Variants in NFIA observed in about 807,000 individuals in gnomAD.
The protein encoded by NFIA is nuclear factor I A.
Under a neutral mutation model 62.8 loss-of-function variants are expected in NFIA, and 8 were observed. That is an observed-to-expected ratio of 0.13 (90% confidence interval 0.07 to 0.23). The LOEUF (loss-of-function observed/expected upper bound fraction) is 0.23. NFIA is among the 10% of genes least tolerant of loss of function. NFIA has a pLI of 1.00. For synonymous variants in NFIA, 235 were observed against 238.1 expected (o/e 0.99, Z 0.12); for missense variants, 410 against 642.1 (o/e 0.64, Z 3.91).
At position 61,456,644 on chromosome 1, in the gene NFIA, G is replaced by A. The variant is rs1236935308; in HGVS notation, c.*1324G>A. On this transcript the variant is annotated 3_prime_UTR_variant, in exon 11 of 11. Coordinates refer to ENST00000403491, the MANE Select transcript of NFIA (RefSeq NM_001134673.4). ...AAGTTTTAAAGACCTTTGCATCCCT[G>A]AACTGGGCTATGGGAAATAATAATA... is the stretch of plus-strand genomic sequence containing the variant. The A allele has an allele frequency of 6.7e-6, 1 of 149,774 alleles. No homozygotes were observed. Among genetic ancestry groups the A allele is most frequent in the African/African-American group, 2.5e-5 (1 of 40,792 alleles). The allele number at this position is 149,774 out of a possible 1,614,324, so 9.3% of individuals were successfully genotyped here. A position where few individuals can be genotyped will look rare whatever the true frequency, so the allele number is the denominator to read the frequency against.
At chr1:61,335,267 CT>C (rs1661539676) in intron 4 of NFIA, among the ~76,000 whole-genome samples, 2 of 152,194 alleles carry the variant, frequency 1.3e-5, no homozygotes, top group African/African-American at 4.8e-5. Flanking sequence ...CAGGAGACCC[CT>C]TTTTCTTAGA....
intron 3 of NFIA, among the ~76,000 whole-genome samples, chr1:61,284,844 AAG>A (rs151213510): frequency 1.3e-5 from 2 of 152,286 alleles, no homozygotes; most frequent in East Asian, 3.9e-4. Flanking sequence ...AGAAGAAAAA[AAG>A]GGATTTCTTG....
intron 5 of NFIA, among the ~76,000 whole-genome samples, chr1:61,356,921 C>G (rs1202125786): frequency 6.6e-6 from 1 of 152,194 alleles, no homozygotes; most frequent in Non-Finnish European, 1.5e-5. Flanking sequence ...TGTCTCCCTG[C>G]CCTAGGCTCC....
chr1:61,336,174 G>A (rs1424046958), intron 4 of NFIA, among the ~76,000 whole-genome samples: 2 of 151,934 alleles, frequency 1.3e-5, no homozygotes, highest in African/African-American at 4.8e-5. Flanking sequence ...GAACTAAATA[G>A]AATCCAAGGA....
At chr1:61,122,442 T>G (rs1304864824) in intron 2 of NFIA, among the ~76,000 whole-genome samples, 2 of 152,166 alleles carry the variant, frequency 1.3e-5, no homozygotes, top group African/African-American at 4.8e-5. Context: ...GAGTGTCTCG[T>G]TAGACATACA....
intron 2 of NFIA, among the ~76,000 whole-genome samples, chr1:61,139,298 C>T (rs890840202): frequency 2.6e-5 from 4 of 152,178 alleles, no homozygotes; most frequent in Non-Finnish European, 4.4e-5. Flanking sequence ...AGAGGATAGT[C>T]CGGAACTCCC....
At chr1:61,430,180 C>T (rs1481015380) in intron 10 of NFIA, among the ~76,000 whole-genome samples, 1 of 152,094 alleles carries the variant, frequency 6.6e-6, no homozygotes. Context: ...ACAGTCAGAG[C>T]AAGTGGACTG....
At chr1:61,202,445 A>T (rs951177081) in intron 2 of NFIA, among the ~76,000 whole-genome samples, 3 of 152,208 alleles carry the variant, frequency 2.0e-5, no homozygotes, top group African/African-American at 7.2e-5. Flanking sequence ...GATCCTCACA[A>T]GGTACATTTT....
At chr1:61,201,275 C>A (rs557749866) in intron 2 of NFIA, among the ~76,000 whole-genome samples, 16 of 152,234 alleles carry the variant, frequency 1.1e-4, no homozygotes, top group African/African-American at 2.9e-4. Flanking sequence ...CACATCCGCT[C>A]CTCTATAGCA....
chr1:61,285,498 A>G (rs144595043), intron 3 of NFIA, among the ~76,000 whole-genome samples: 1 of 152,200 alleles, frequency 6.6e-6, no homozygotes, highest in East Asian at 1.9e-4. Context: ...CAGATTGATT[A>G]GTTGCCTGCT....
chr1:61,173,483 G>A (rs1259191676), intron 2 of NFIA, among the ~76,000 whole-genome samples: 1 of 152,058 alleles, frequency 6.6e-6, no homozygotes, highest in African/African-American at 2.4e-5. Flanking sequence ...CACCTCCTGG[G>A]TTCAAGTGAT....
chr1:61,117,304 G>C (rs1345732463), intron 2 of NFIA, among the ~76,000 whole-genome samples: 1 of 152,096 alleles, frequency 6.6e-6, no homozygotes, highest in Non-Finnish European at 1.5e-5. Flanking sequence ...GGAGGTTATG[G>C]ATATAAATCC....
chr1:61,363,002 CAAA>C (rs1482921973), intron 6 of NFIA, among the ~76,000 whole-genome samples: 1 of 152,154 alleles, frequency 6.6e-6, no homozygotes, highest in Non-Finnish European at 1.5e-5. Flanking sequence ...ATGTTGCTTT[CAAA>C]TATATGGAAA....
chr1:61,317,550 T>C (rs1228424539), intron 3 of NFIA, among the ~76,000 whole-genome samples: 1 of 152,048 alleles, frequency 6.6e-6, no homozygotes, highest in Non-Finnish European at 1.5e-5. Context: ...TATTTCTCAC[T>C]TTTTGTAGAA....
At chr1:61,166,148 C>T (rs909105056) in intron 2 of NFIA, among the ~76,000 whole-genome samples, 1 of 152,030 alleles carries the variant, frequency 6.6e-6, no homozygotes, top group Non-Finnish European at 1.5e-5. Context: ...TAATAGGGGA[C>T]TCTTAGAGAC....
chr1:61,209,630 T>C (rs926764152), intron 2 of NFIA, among the ~76,000 whole-genome samples: 3 of 151,582 alleles, frequency 2.0e-5, no homozygotes, highest in Non-Finnish European at 4.4e-5. Context: ...TTGAGACCAA[T>C]CTGGCCAACA....
intron 9 of NFIA, among the ~76,000 whole-genome samples, chr1:61,407,152 A>G (rs113113442): frequency 0.04 from 6,058 of 152,282 alleles, 164 homozygotes; most frequent in Non-Finnish European, 0.066. Flanking sequence ...TACCTCATAC[A>G]TCAAATAGGA....
intron 10 of NFIA, among the ~76,000 whole-genome samples, chr1:61,446,197 G>T (rs534381778): frequency 6.6e-6 from 1 of 152,164 alleles, no homozygotes; most frequent in East Asian, 1.9e-4. Flanking sequence ...CACCAGACCC[G>T]CAGTCCAGTG....
chr1:61,274,517 G>C (rs2100270116), intron 2 of NFIA, among the ~76,000 whole-genome samples: 1 of 152,266 alleles, frequency 6.6e-6, no homozygotes, highest in South Asian at 2.1e-4. Context: ...TCACTGGTAT[G>C]GGAGACTCAG....
Sources: gnomAD v4.1 joint callset for allele counts (sites outside exome capture counted in the v4.1 genomes callset) on GRCh38, gnomAD v4.1.1 for gene constraint, MANE v1.5 for transcripts, NCBI Gene and HGNC (gene_info 2026-07-23, HGNC 2026-07-21) for gene names.